ROR1: variants seen among roughly 807,000 people sequenced by gnomAD.
ROR1 encodes the protein ROR family WNT receptor 1.
A neutral mutation model predicts 78.8 loss-of-function variants in ROR1; 19 were observed. That is an observed-to-expected ratio of 0.24 (90% CI 0.17 to 0.35). The LOEUF is 0.35. Ranked by LOEUF, ROR1 falls within the 10% of genes least tolerant of loss-of-function variation. The pLI, the probability that ROR1 is intolerant of heterozygous loss-of-function variation, is 1.00. For missense variants in ROR1, 917 were observed against 1,177.8 expected (o/e 0.78, Z 3.24); for synonymous variants, 386 against 433.6 (o/e 0.89, Z 1.36).
At chr1:63,893,873 T>C (rs529271884) in intron 1 of ROR1, among the ~76,000 whole-genome samples, 46 of 152,270 alleles carry the variant, frequency 3.0e-4, no homozygotes, top group East Asian at 5.8e-4. Context: ...TCTTTTTCCT[T>C]TTTTACAATT....
chr1:63,784,215 C>G (rs184690195), intron 1 of ROR1, among the ~76,000 whole-genome samples: 1 of 152,106 alleles, frequency 6.6e-6, no homozygotes, highest in East Asian at 1.9e-4. Flanking sequence ...GGATTTATTT[C>G]TCTCTTCCTT....
intron 1 of ROR1, chr1:63,843,539 C>T: frequency 1.3e-6 from 1 of 742,404 alleles, no homozygotes; most frequent in Non-Finnish European, 2.4e-6. Flanking sequence ...TCTTGGTCTC[C>T]TCCAGGATGA....
At chr1:64,038,546 C>T (rs1040364333) in intron 2 of ROR1, among the ~76,000 whole-genome samples, 4 of 152,098 alleles carry the variant, frequency 2.6e-5, no homozygotes, top group African/African-American at 9.7e-5. Flanking sequence ...AAAATTCCAC[C>T]GATTGCAAGG....
At chr1:63,846,923 A>G (rs1645085140) in intron 1 of ROR1, among the ~76,000 whole-genome samples, 1 of 152,204 alleles carries the variant, frequency 6.6e-6, no homozygotes, top group Admixed American at 6.5e-5. Flanking sequence ...TTGGAGGTGA[A>G]GTCACTAAGG....
At position 64,022,949 on chromosome 1, in the gene ROR1, A is replaced by G. The variant is rs111964484; in HGVS notation, c.163+13573A>G. Among the ~76,000 whole-genome samples, 544 of 152,122 alleles carry G rather than the reference A, an allele frequency of 3.6e-3. 6 individuals are homozygous for G. Among genetic ancestry groups the G allele is most frequent in the African/African-American group, 0.013 (528 of 41,482 alleles). On this transcript the variant is annotated intron_variant, in intron 2 of 8. Transcript: ENST00000371079. ...TTTTACTTTATAATAACATTTATTT[A>G]TATAAAAAGGAATGTTTGGGCTGGG... is the stretch of plus-strand genomic sequence containing the variant.
intron 1 of ROR1, among the ~76,000 whole-genome samples, chr1:64,002,087 C>CACCAGACT (rs1297156786): frequency 3.3e-5 from 5 of 150,666 alleles, no homozygotes; most frequent in African/African-American, 1.2e-4. Context: ...ACTCCTCTCC[C>CACCAGACT]ACCAGACTGT....
chr1:63,848,797 G>C (rs944112867), intron 1 of ROR1, among the ~76,000 whole-genome samples: 1 of 152,112 alleles, frequency 6.6e-6, no homozygotes, highest in Admixed American at 6.5e-5. Context: ...GTTTGAAATC[G>C]TGGTTATCAT....
chr1:63,975,212 G>T (rs1646149550), intron 1 of ROR1, among the ~76,000 whole-genome samples: 1 of 152,156 alleles, frequency 6.6e-6, no homozygotes, highest in Non-Finnish European at 1.5e-5. Flanking sequence ...GAGGAAAAAA[G>T]AGGATACTGG....
At chr1:63,804,894 G>C (rs1644818896) in intron 1 of ROR1, among the ~76,000 whole-genome samples, 3 of 152,094 alleles carry the variant, frequency 2.0e-5, no homozygotes, top group African/African-American at 7.2e-5. Flanking sequence ...GGTGCCATTG[G>C]GCTGTTTGAC....
Position 64,128,609 on chromosome 1 carries a change from G to T in ROR1, c.483-8760G>T, listed in dbSNP as rs1306331413. Among the ~76,000 whole-genome samples, 4 of 152,194 alleles carry T rather than the reference G, an allele frequency of 2.6e-5. No homozygotes were observed. The East Asian group carries it at 7.7e-4, about 29-fold the overall frequency. On this transcript the variant is annotated intron_variant, in intron 4 of 8. Transcript: ENST00000371079. ...GTGGGAGAGATTTAATTCACTTATT[G>T]AACGTTTATTTATTAAGTATCAACA...
At chr1:63,874,986 C>T (rs1645275816) in intron 1 of ROR1, among the ~76,000 whole-genome samples, 1 of 152,058 alleles carries the variant, frequency 6.6e-6, no homozygotes, top group South Asian at 2.1e-4. Flanking sequence ...TGTTATTATC[C>T]TACTAATGGA....
intron 1 of ROR1, among the ~76,000 whole-genome samples, chr1:63,961,082 T>C (rs1646023450): frequency 2.0e-5 from 3 of 152,196 alleles, no homozygotes; most frequent in Admixed American, 2.0e-4. Context: ...TTTTTCCCTT[T>C]CCTTCTTCCC....
chr1:64,021,898 C>T (rs1488092132), intron 2 of ROR1, among the ~76,000 whole-genome samples: 3 of 151,958 alleles, frequency 2.0e-5, no homozygotes, highest in Non-Finnish European at 2.9e-5. Flanking sequence ...CTCATATATA[C>T]CCCCAAAGAA....
chr1:64,079,541 G>A (rs1183848452), intron 4 of ROR1, among the ~76,000 whole-genome samples: 6 of 150,218 alleles, frequency 4.0e-5, no homozygotes, highest in South Asian at 2.1e-4. Flanking sequence ...GCGCAGTCTC[G>A]GCTCACTGCA....
chr1:63,788,022 A>T (rs541787033), intron 1 of ROR1, among the ~76,000 whole-genome samples: 1 of 152,298 alleles, frequency 6.6e-6, no homozygotes, highest in African/African-American at 2.4e-5. Flanking sequence ...ATGACTTCAT[A>T]TCCAGAGCAG....
intron 8 of ROR1, among the ~76,000 whole-genome samples, chr1:64,165,674 C>T (rs1022630322): frequency 6.7e-6 from 1 of 148,982 alleles, no homozygotes; most frequent in African/African-American, 2.5e-5. Context: ...ATGTTGTCTT[C>T]CAGGATTTTT....
At chr1:64,075,588 A>G (rs1044718553) in intron 4 of ROR1, among the ~76,000 whole-genome samples, 2 of 152,194 alleles carry the variant, frequency 1.3e-5, no homozygotes, top group Admixed American at 1.3e-4. Flanking sequence ...TGTGATTGCA[A>G]TAACCGTGTA....
At chr1:64,028,048 C>G (rs1186602147) in intron 2 of ROR1, among the ~76,000 whole-genome samples, 1 of 152,070 alleles carries the variant, frequency 6.6e-6, no homozygotes, top group Non-Finnish European at 1.5e-5. Flanking sequence ...GTAGACAGAG[C>G]CTCTATCATG....
chr1:63,939,709 C>T (rs1020488576), intron 1 of ROR1, among the ~76,000 whole-genome samples: 1 of 152,082 alleles, frequency 6.6e-6, no homozygotes, highest in Non-Finnish European at 1.5e-5. Context: ...AAAACACCTA[C>T]CATGGAGGGG....
Sources: allele counts gnomAD v4.1 joint callset (sites outside exome capture counted in the v4.1 genomes callset), GRCh38; gene constraint gnomAD v4.1.1; transcripts MANE v1.5; gene names NCBI Gene and HGNC (gene_info 2026-07-23, HGNC 2026-07-21).